Variants in TANC1 observed in about 807,000 individuals in gnomAD.
TANC1 encodes the protein protein TANC1.
TANC1 carries 77 observed loss-of-function variants against 149.7 expected under a neutral mutation model. The ratio of observed to expected loss-of-function variants is 0.51; its 90% CI spans 0.43 to 0.62. The LOEUF (loss-of-function observed/expected upper bound fraction) is 0.62. Among genes scored for constraint, TANC1 ranks in the 20% least tolerant of loss-of-function variants. The probability of loss-of-function intolerance (pLI) is 0.00; values close to 1 mark genes in which losing one functional copy is unlikely to be tolerated. For missense variants in TANC1, 1,985 were observed against 2,321.8 expected (o/e 0.85, Z 2.98); for synonymous variants, 854 against 925.0 (o/e 0.92, Z 1.39).
intron 19 of TANC1, among the ~76,000 whole-genome samples, chr2:159,207,639 C>T (rs754453901): frequency 8.0e-6 from 1 of 125,368 alleles, no homozygotes; most frequent in Non-Finnish European, 1.6e-5. Context: ...GCAGAGGTTG[C>T]AGTGAGCCGA....
chr2:159,197,695 A>G (rs893259540), intron 18 of TANC1, among the ~76,000 whole-genome samples: 1 of 152,138 alleles, frequency 6.6e-6, no homozygotes, highest in Non-Finnish European at 1.5e-5. Flanking sequence ...GTGAAAAGTC[A>G]TCATTGGGAG....
At chr2:159,045,317 A>G (rs1486109875) in intron 2 of TANC1, among the ~76,000 whole-genome samples, 1 of 152,138 alleles carries the variant, frequency 6.6e-6, no homozygotes, top group East Asian at 1.9e-4. Flanking sequence ...CTGTAGTCCC[A>G]GCTACTCGGG....
At chr2:159,224,087 G>T (rs954872010) in intron 22 of TANC1, 145 bp from the exon 23 acceptor site, 4 of 937,732 alleles carry the variant, frequency 4.3e-6, no homozygotes, top group Non-Finnish European at 6.4e-6. Flanking sequence ...TCTCTGTTTC[G>T]TGTCCACTTT....
At position 159,112,087 on chromosome 2, in the gene TANC1, AAAT is replaced by A. The variant is rs554852335; in HGVS notation, c.259+14257_259+14259del. ...TTCTTTTCTTGAAAGTATTTTTACAAAATAATTCACTTTTTTCAGTTATACAGT... is the reference window on the plus strand; with the variant it reads ...TTCTTTTCTTGAAAGTATTTTTACAAAATTCACTTTTTTCAGTTATACAGT... On this transcript the variant is annotated intron_variant, in intron 4 of 26. Coordinates refer to ENST00000263635, the MANE Select transcript of TANC1 (RefSeq NM_033394.3). 2.3e-3 allele frequency among the ~76,000 whole-genome samples: 356 copies of A among 152,336 alleles called. 2 individuals are homozygous for A. The highest frequency in any genetic ancestry group is 4.1e-3 in the Non-Finnish European group (279 of 68,034).
At chr2:159,111,426 T>C (rs543715601) in intron 4 of TANC1, among the ~76,000 whole-genome samples, 6 of 152,350 alleles carry the variant, frequency 3.9e-5, no homozygotes, top group South Asian at 4.1e-4. Flanking sequence ...GCAGAAGCCT[T>C]TGTGTCAGGT....
At chr2:159,219,422 C>T (rs758128773) in intron 21 of TANC1, 61 bp downstream of exon 21, 10 of 1,602,206 alleles carry the variant, frequency 6.2e-6, no homozygotes, top group Non-Finnish European at 7.7e-6. Flanking sequence ...CTTCAGCAGA[C>T]CCATTCAGTG....
rs141464069 is a variant in TANC1 at position 159,038,437 on chromosome 2, A to C, written c.-15-27459A>C. On this transcript the variant is annotated intron_variant, in intron 2 of 26. Coordinates refer to ENST00000263635, the MANE Select transcript of TANC1 (RefSeq NM_033394.3). ...GCATCCCTGTCTTGTGGGAGTTTTC[A>C]AAGGGAATGCTTCCAGTTTTTGCCC... Among the ~76,000 whole-genome samples, 1,118 of 152,308 alleles carry C rather than the reference A, an allele frequency of 7.3e-3. 17 individuals are homozygous for C. Among genetic ancestry groups the C allele is most frequent in the African/African-American group, 0.025 (1,034 of 41,570 alleles).
chr2:159,229,991 G>A lies in TANC1; in HGVS notation c.4565G>A (p.Gly1522Glu). The A allele has an allele frequency of 6.2e-7, 1 of 1,614,032 alleles. No individual in the cohort carries two copies. The highest frequency in any genetic ancestry group is 1.1e-5 in the South Asian group (1 of 91,082). Residue 1522 changes from glycine (G) to glutamate (E), a missense_variant, in exon 27 of 27, where the codon GGG becomes GAG. Physicochemically the swap from Gly to Glu is moderately conservative, Grantham distance 98 (BLOSUM62 -2). Transcript: ENST00000263635. ...KSLREPVAQPGLLLQPSKQAQ... is the reference protein window; with the variant it reads ...KSLREPVAQPELLLQPSKQAQ... ...CTGAGAGAGCCTGTGGCCCAGCCAG[G>A]GCTGCTCCTGCAGCCCTCCAAGCAG...
At chr2:159,182,754 CAGG>C (rs1481997246) in intron 14 of TANC1, among the ~76,000 whole-genome samples, 40 of 152,176 alleles carry the variant, frequency 2.6e-4, no homozygotes, top group Admixed American at 2.0e-4. Context: ...GTACCTCTCT[CAGG>C]AGGCGCATGA....
At chr2:159,171,176 C>A (rs2055162080) in intron 10 of TANC1, among the ~76,000 whole-genome samples, 2 of 152,166 alleles carry the variant, frequency 1.3e-5, no homozygotes, top group Admixed American at 1.3e-4. Flanking sequence ...TCTTTTGTAC[C>A]CTGTTTGGCA....
intron 3 of TANC1, among the ~76,000 whole-genome samples, chr2:159,095,541 G>A (rs2046014552): frequency 6.6e-6 from 1 of 151,810 alleles, no homozygotes; most frequent in Non-Finnish European, 1.5e-5. Flanking sequence ...TTCAAGACCA[G>A]CCTGACCAAC....
rs1559508056 is a variant in TANC1, at chr2:159,230,991, A to C, written c.5565A>C (p.Ser1855=). ...SHLTAAKPKR[S]FIESNV ...TCACTGCAGCCAAACCAAAGCGATC[A>C]TTTATAGAGTCAAATGTGTGAACCT... The change falls in exon 27 of 27, where the codon TCA becomes TCC. Residue 1855 remains serine, a synonymous_variant. Transcript: ENST00000263635. This position sits in a 1 kb window ranked among gnomAD's most constrained non-coding sequence, Gnocchi z 4.4. The C allele has an allele frequency of 4.3e-6, 7 of 1,612,054 alleles. No homozygotes were observed. The highest frequency in any genetic ancestry group is 5.9e-6 in the Non-Finnish European group (7 of 1,179,092).
At chr2:159,193,292 A>G (rs556962004) in intron 16 of TANC1, among the ~76,000 whole-genome samples, 2 of 152,326 alleles carry the variant, frequency 1.3e-5, no homozygotes, top group South Asian at 4.1e-4. Flanking sequence ...CACATATGGC[A>G]GGATTTTCTC....
chr2:159,043,448 T>G (rs1482568605), intron 2 of TANC1, among the ~76,000 whole-genome samples: 1 of 152,154 alleles, frequency 6.6e-6, no homozygotes, highest in Non-Finnish European at 1.5e-5. Flanking sequence ...ATTCAAGGTA[T>G]GCTATTCTTG....
intron 19 of TANC1, among the ~76,000 whole-genome samples, chr2:159,201,510 G>C (rs1208617986): frequency 6.6e-6 from 1 of 152,198 alleles, no homozygotes; most frequent in Non-Finnish European, 1.5e-5. Flanking sequence ...CTGTACTGCT[G>C]TGTGCATTGT....
intron 5 of TANC1, among the ~76,000 whole-genome samples, chr2:159,145,662 C>T (rs536019929): frequency 6.6e-6 from 1 of 152,274 alleles, no homozygotes; most frequent in East Asian, 1.9e-4. Flanking sequence ...CATATGTGGT[C>T]CACAAGGGGG....
intron 2 of TANC1, among the ~76,000 whole-genome samples, chr2:159,018,801 A>G (rs2038530168): frequency 6.6e-6 from 1 of 152,210 alleles, no homozygotes; most frequent in Non-Finnish European, 1.5e-5. Context: ...AGCTTCTACT[A>G]TGTGCCATTT....
rs775575415 is a variant in TANC1 at position 159,170,772 on chromosome 2, A to T, written c.1318A>T (p.Ile440Phe). 8.7e-6 allele frequency: 14 copies of T among 1,614,218 alleles called. No individual in the cohort carries two copies. In the Admixed American group the frequency reaches 2.2e-4, roughly 25 times the overall value. ...LSCHGSRMRQ[I>F]ASNSPGSSPK... ...CTGCCACGGAAGCCGCATGAGGCAG[A>T]TTGCTTCCAACAGCCCGGGTTCATC... The change falls in exon 10 of 27, where the codon ATT becomes TTT. Residue 440 changes from isoleucine to phenylalanine, a missense_variant. This residue lies in a region of TANC1 where 557 missense variants were observed against 612.9 expected (regional missense o/e 0.91). Coordinates refer to ENST00000263635, the MANE Select transcript of TANC1 (RefSeq NM_033394.3).
At chr2:159,026,709 G>C (rs2039375121) in intron 2 of TANC1, among the ~76,000 whole-genome samples, 1 of 152,036 alleles carries the variant, frequency 6.6e-6, no homozygotes, top group African/African-American at 2.4e-5. Flanking sequence ...CTTCTGGAGT[G>C]CTGGGTTGAG....
Sources: allele counts gnomAD v4.1 joint callset (sites outside exome capture counted in the v4.1 genomes callset), GRCh38; gene constraint gnomAD v4.1.1; regional missense constraint gnomAD v4.1.1; non-coding constraint Gnocchi (gnomAD v3.1); transcripts MANE v1.5; gene names NCBI Gene and HGNC (gene_info 2026-07-23, HGNC 2026-07-21).